MTMR8: variants seen among roughly 807,000 people sequenced by gnomAD.
The protein encoded by MTMR8 is phosphatidylinositol-3,5-bisphosphate 3-phosphatase MTMR8.
In MTMR8, 65 loss-of-function variants were observed where a neutral mutation model predicts 39.3. The observed-to-expected ratio is 1.65, with a 90% confidence interval of 1.35 to 2.03. MTMR8 has a LOEUF of 2.03. MTMR8 is among the 30% of genes most tolerant of loss of function. The pLI is 0.00. For missense variants in MTMR8, 777 were observed against 538.9 expected, an observed-to-expected ratio of 1.44 and a Z score of -4.37; for synonymous variants, 245 against 185.2, an observed-to-expected ratio of 1.32 and a Z score of -2.62.
chrX:64,275,751 A>G (rs1393228710), intron 12 of MTMR8, among the ~76,000 whole-genome samples: 1 of 110,824 alleles, frequency 9.0e-6, no homozygotes, highest in Non-Finnish European at 1.9e-5. Context: ...AAATAAAAAG[A>G]GAAGACTTGA....
intron 13 of MTMR8, among the ~76,000 whole-genome samples, chrX:64,270,254 C>T (rs1354476376): frequency 1.8e-5 from 2 of 111,963 alleles, no homozygotes; most frequent in African/African-American, 6.5e-5. Flanking sequence ...TTTATTTTCA[C>T]AATAAAATGA....
At chrX:64,376,864 C>T (rs1924284973) in intron 1 of MTMR8, among the ~76,000 whole-genome samples, 1 of 112,050 alleles carries the variant, frequency 8.9e-6, no homozygotes, top group Admixed American at 9.4e-5. Flanking sequence ...CCCGGAGGCC[C>T]AGGAGTGAAT....
intron 1 of MTMR8, among the ~76,000 whole-genome samples, chrX:64,362,471 G>GAAAAAAAAAAAAAAAAAAAAAAACAA (rs1923811092): frequency 1.8e-4 from 1 of 5,503 alleles, no homozygotes; most frequent in Non-Finnish European, 3.6e-4. Context: ...TACTATTGCA[G>GAAAAAAAAAAAAAAAAAAAAAAACAA]AAAAAAAAAA....
At chrX:64,301,827 G>T (rs951629662) in intron 12 of MTMR8, among the ~76,000 whole-genome samples, 2 of 111,866 alleles carry the variant, frequency 1.8e-5, no homozygotes, top group East Asian at 2.8e-4. Flanking sequence ...ACCCTGCCGT[G>T]TGAGGTGTCA....
chrX:64,380,241 G>T (rs1199942886), intron 1 of MTMR8, among the ~76,000 whole-genome samples: 1 of 112,414 alleles, frequency 8.9e-6, no homozygotes, highest in East Asian at 2.8e-4. Context: ...GATTATTCCA[G>T]AATAGTGTTA....
intron 1 of MTMR8, among the ~76,000 whole-genome samples, chrX:64,393,269 T>A (rs1329551030): frequency 8.9e-6 from 1 of 111,800 alleles, no homozygotes; most frequent in Non-Finnish European, 1.9e-5. Context: ...TCCTAATAGG[T>A]TATTGTAAGG....
chrX:64,295,221 T>G (rs1035148715), intron 12 of MTMR8, among the ~76,000 whole-genome samples: 4 of 108,356 alleles, frequency 3.7e-5, no homozygotes, highest in Non-Finnish European at 5.7e-5. Flanking sequence ...TGAATAAAAC[T>G]TAAAATGAGA....
intron 4 of MTMR8, among the ~76,000 whole-genome samples, chrX:64,353,220 G>A (rs1923531456): frequency 8.9e-6 from 1 of 111,812 alleles, no homozygotes; most frequent in Non-Finnish European, 1.9e-5. Flanking sequence ...AGCATATGCA[G>A]CCAACTAAAG....
intron 1 of MTMR8, among the ~76,000 whole-genome samples, chrX:64,364,983 G>A (rs983995247): frequency 7.2e-5 from 8 of 111,499 alleles, no homozygotes; most frequent in East Asian, 5.6e-4. Context: ...TTCAATAGCC[G>A]ATTCGATCAA....
intron 12 of MTMR8, among the ~76,000 whole-genome samples, chrX:64,292,198 C>T (rs1921420078): frequency 8.9e-6 from 1 of 111,864 alleles, no homozygotes; most frequent in African/African-American, 3.2e-5. Flanking sequence ...AATTGGGAGA[C>T]ACTTGCAAGC....
chrX:64,305,838 G>A (rs771631542), intron 12 of MTMR8: 2 of 309,815 alleles, frequency 6.5e-6, no homozygotes, highest in Non-Finnish European at 1.2e-5. Context: ...AACCCAGGCT[G>A]GGCATGGTGG....
At chrX:64,293,803 A>T (rs1921478407) in intron 12 of MTMR8, among the ~76,000 whole-genome samples, 1 of 111,988 alleles carries the variant, frequency 8.9e-6, no homozygotes, top group African/African-American at 3.2e-5. Flanking sequence ...TAAAGGAGCA[A>T]TTACTTACTT....
intron 1 of MTMR8, among the ~76,000 whole-genome samples, chrX:64,374,088 T>G (rs1203755763): frequency 9.0e-6 from 1 of 111,721 alleles, no homozygotes; most frequent in Non-Finnish European, 1.9e-5. Flanking sequence ...CCATGGGAAA[T>G]AAAAGTAGAA....
At chrX:64,323,268 C>T (rs1160803851) in intron 12 of MTMR8, among the ~76,000 whole-genome samples, 1 of 112,103 alleles carries the variant, frequency 8.9e-6, no homozygotes, top group Non-Finnish European at 1.9e-5. Flanking sequence ...GCAGGAGTAG[C>T]TATAATCATA....
At chrX:64,343,786 A>T (rs1923277462) in intron 7 of MTMR8, 66 bp from the exon 8 acceptor site, 1 of 758,773 alleles carries the variant, frequency 1.3e-6, no homozygotes, top group Non-Finnish European at 2.0e-6. Context: ...TAAGGGGAGA[A>T]AGTGGATCTC....
intron 12 of MTMR8, among the ~76,000 whole-genome samples, chrX:64,289,713 C>T (rs1283219097): frequency 1.9e-5 from 2 of 102,755 alleles, no homozygotes; most frequent in Non-Finnish European, 3.9e-5. Context: ...ATGTTCCATT[C>T]AGTATTATTC....
intron 1 of MTMR8, among the ~76,000 whole-genome samples, chrX:64,389,999 C>G (rs1271678714): frequency 8.9e-6 from 1 of 112,141 alleles, no homozygotes; most frequent in African/African-American, 3.2e-5. Context: ...ATTCTCACCT[C>G]TGGAAATCTC....
intron 1 of MTMR8, among the ~76,000 whole-genome samples, chrX:64,369,661 G>A (rs1020642856): frequency 4.5e-5 from 5 of 111,294 alleles, no homozygotes; most frequent in African/African-American, 1.6e-4. Context: ...AATACCTAAT[G>A]TAAATGATGA....
intron 12 of MTMR8, among the ~76,000 whole-genome samples, chrX:64,273,350 G>C (rs1168024652): frequency 7.3e-5 from 8 of 110,078 alleles, no homozygotes; most frequent in African/African-American, 2.6e-4. Flanking sequence ...GTTGTTACAT[G>C]CTTAAGACAG....
Sources: allele counts gnomAD v4.1 joint callset (sites outside exome capture counted in the v4.1 genomes callset), GRCh38; gene constraint gnomAD v4.1.1; transcripts MANE v1.5; gene names NCBI Gene and HGNC (gene_info 2026-07-23, HGNC 2026-07-21).